Variants in GPC5 observed in about 807,000 individuals in gnomAD.
GPC5 encodes the protein glypican 5, also known as glypican-5.
Under a neutral mutation model 53.9 loss-of-function variants are expected in GPC5, and 47 were observed. The observed-to-expected ratio is 0.87, with a 90% CI of 0.69 to 1.11. The LOEUF (loss-of-function observed/expected upper bound fraction) is 1.11. Ranked by LOEUF, GPC5 falls within the 50% of genes most tolerant of loss-of-function variation. The pLI is 0.00. For synonymous variants in GPC5, 286 were observed against 263.3 expected (o/e 1.09, Z -0.84); for missense variants, 748 against 713.1 (o/e 1.05, Z -0.56).
chr13:92,826,057 A>G (rs1308939947), intron 7 of GPC5, among the ~76,000 whole-genome samples: 1 of 152,178 alleles, frequency 6.6e-6, no homozygotes, highest in Non-Finnish European at 1.5e-5. Context: ...TGTAGAAGAC[A>G]GAATTCTAAG....
At chr13:91,702,787 T>C (rs916395853) in intron 3 of GPC5, among the ~76,000 whole-genome samples, 8 of 152,092 alleles carry the variant, frequency 5.3e-5, no homozygotes, top group Non-Finnish European at 1.2e-4. Context: ...TCATTCTATT[T>C]AAGTTCATCC....
intron 7 of GPC5, among the ~76,000 whole-genome samples, chr13:92,493,921 A>C (rs1879861090): frequency 2.6e-5 from 4 of 152,244 alleles, no homozygotes; most frequent in Admixed American, 2.6e-4. Flanking sequence ...GAACTTAATC[A>C]ATGTTCATGT....
intron 2 of GPC5, among the ~76,000 whole-genome samples, chr13:91,492,276 G>A (rs77907718): frequency 0.013 from 1,924 of 152,206 alleles, 34 homozygotes; most frequent in African/African-American, 0.042. Flanking sequence ...GAACAAACTG[G>A]ATATATATAC....
chr13:92,785,212 G>T (rs1331240119), intron 7 of GPC5, among the ~76,000 whole-genome samples: 1 of 152,146 alleles, frequency 6.6e-6, no homozygotes, highest in African/African-American at 2.4e-5. Flanking sequence ...GGAGGCAGAG[G>T]TTGCAGTGAG....
intron 2 of GPC5, among the ~76,000 whole-genome samples, chr13:91,629,836 T>G (rs1216091364): frequency 6.6e-6 from 1 of 152,118 alleles, no homozygotes; most frequent in Non-Finnish European, 1.5e-5. Context: ...CAAAAATGAC[T>G]TTAAACACTG....
At chr13:91,431,161 G>T (rs1343367024) in intron 1 of GPC5, among the ~76,000 whole-genome samples, 1 of 152,172 alleles carries the variant, frequency 6.6e-6, no homozygotes, top group Non-Finnish European at 1.5e-5. Flanking sequence ...TTACAGGTAT[G>T]AGCCACTGTG....
chr13:92,453,447 A>G (rs1273918163), intron 7 of GPC5, among the ~76,000 whole-genome samples: 2 of 152,070 alleles, frequency 1.3e-5, no homozygotes, highest in African/African-American at 2.4e-5. Flanking sequence ...GGGATTCACC[A>G]GGAAGCTCTG....
intron 7 of GPC5, among the ~76,000 whole-genome samples, chr13:92,813,542 G>A (rs1877366634): frequency 6.6e-6 from 1 of 151,776 alleles, no homozygotes; most frequent in Non-Finnish European, 1.5e-5. Flanking sequence ...TTTATTTTTA[G>A]GAATTGTTCA....
intron 7 of GPC5, among the ~76,000 whole-genome samples, chr13:92,776,766 T>C (rs1478033920): frequency 6.6e-6 from 1 of 152,122 alleles, no homozygotes; most frequent in Non-Finnish European, 1.5e-5. Context: ...AAGCCAGACC[T>C]GATCATACCC....
intron 7 of GPC5, among the ~76,000 whole-genome samples, chr13:92,382,235 G>A (rs1250736741): frequency 3.3e-5 from 5 of 151,888 alleles, no homozygotes; most frequent in Admixed American, 2.0e-4. Context: ...GGAGGGTGGC[G>A]AGGGATAAAA....
At chr13:91,407,470 C>T (rs58369022) in intron 1 of GPC5, among the ~76,000 whole-genome samples, 2 of 152,170 alleles carry the variant, frequency 1.3e-5, no homozygotes, top group Non-Finnish European at 2.9e-5. Flanking sequence ...ATCTGCCTTA[C>T]AGCATTGATC....
intron 7 of GPC5, among the ~76,000 whole-genome samples, chr13:92,677,990 A>G (rs1887002413): frequency 6.6e-6 from 1 of 152,210 alleles, no homozygotes; most frequent in African/African-American, 2.4e-5. Context: ...CAATTAACAT[A>G]AGAGGAACAA....
In GPC5 at chr13:91,806,548, G is replaced by C. The variant is rs549551198; in HGVS notation, c.1280+50128G>C. On this transcript the variant is annotated intron_variant, in intron 5 of 7. Transcript: ENST00000377067. The stretch of plus-strand genomic sequence containing the variant: ...ATTCTTACAACACCTCTTTATTTTT[G>C]AAAGACTTTTCACATGCATTTTTAA... 7.3e-5 allele frequency among the ~76,000 whole-genome samples: 11 copies of C among 151,636 alleles called. No individual in the cohort carries two copies. The East Asian group carries it at 1.7e-3, about 24-fold the overall frequency.
Position 92,078,600 on chromosome 13 carries a change from CT to C in GPC5, c.1402-66227del, listed in dbSNP as rs1189713143. 2.0e-5 allele frequency among the ~76,000 whole-genome samples: 3 copies of C among 152,162 alleles called. No homozygotes were observed. In the South Asian group the frequency reaches 6.2e-4, roughly 31 times the overall value. On this transcript the variant is annotated intron_variant, in intron 6 of 7. Coordinates refer to ENST00000377067, the MANE Select transcript of GPC5 (RefSeq NM_004466.6). ...TTTTTCTTAAAGTGCTCTGTCATTTCTTTATCTTTAATCATACTTGTCAGTC... is the reference window on the plus strand; with the variant it reads ...TTTTTCTTAAAGTGCTCTGTCATTTCTTATCTTTAATCATACTTGTCAGTC...
chr13:92,851,193 A>G (rs184750102), intron 7 of GPC5, among the ~76,000 whole-genome samples: 8 of 152,224 alleles, frequency 5.3e-5, no homozygotes, highest in Middle Eastern at 3.4e-3. Context: ...ATCTGCCCCC[A>G]TGATCCAATC....
intron 7 of GPC5, among the ~76,000 whole-genome samples, chr13:92,639,299 A>T (rs1259956552): frequency 2.6e-5 from 4 of 152,210 alleles, no homozygotes; most frequent in African/African-American, 9.6e-5. Context: ...TAAAGAATAG[A>T]TTCTATTGTA....
At chr13:92,197,312 A>AGTT (rs1388985122) in intron 7 of GPC5, among the ~76,000 whole-genome samples, 1 of 152,214 alleles carries the variant, frequency 6.6e-6, no homozygotes, top group East Asian at 1.9e-4. Flanking sequence ...TATTGACATA[A>AGTT]ATAAGTGTAT....
intron 2 of GPC5, among the ~76,000 whole-genome samples, chr13:91,582,045 G>A (rs1050218139): frequency 6.6e-6 from 1 of 152,152 alleles, no homozygotes; most frequent in African/African-American, 2.4e-5. Flanking sequence ...TTCTGGAAGA[G>A]GCAAGTGAGA....
At chr13:92,200,123 G>C (rs2042283799) in intron 7 of GPC5, among the ~76,000 whole-genome samples, 2 of 152,114 alleles carry the variant, frequency 1.3e-5, no homozygotes, top group South Asian at 4.1e-4. Flanking sequence ...AAGGATGACT[G>C]TGTACTTTGA....
Sources: allele counts gnomAD v4.1 joint callset (sites outside exome capture counted in the v4.1 genomes callset), GRCh38; gene constraint gnomAD v4.1.1; transcripts MANE v1.5; gene names NCBI Gene and HGNC (gene_info 2026-07-23, HGNC 2026-07-21).